The following CASZ1 variants were observed in gnomAD, a reference collection of about 807,000 sequenced individuals.
CASZ1 encodes the protein castor zinc finger 1.
In CASZ1, 28 loss-of-function variants were observed where a neutral mutation model predicts 135.2. The ratio of observed to expected loss-of-function variants is 0.21; its 90% CI spans 0.15 to 0.28. The LOEUF (loss-of-function observed/expected upper bound fraction) is 0.28, where lower values mean the gene tolerates loss of function less well. CASZ1 is among the 10% of genes least tolerant of loss of function. The pLI is 1.00. For missense variants in CASZ1, 2,161 were observed against 2,453.3 expected (o/e 0.88, Z 2.52); for synonymous variants, 1,068 against 1,073.4 (o/e 0.99, Z 0.10).
Position 10,649,428 on chromosome 1 carries a change from C to G in CASZ1, c.2890G>C (p.Gly964Arg). Residue 964 changes from glycine (G) to arginine (R), a missense_variant, in exon 14 of 21, where the codon GGC (glycine) becomes CGC (arginine). By Grantham distance (125) the Gly-to-Arg change is moderately radical. Around this residue, in one of 7 missense-constraint regions of CASZ1, gnomAD observed 406 missense variants for 387.6 expected, o/e 1.05. Transcript: ENST00000377022. Reference sequence around the variant, plus strand: ...AGCAGGCTGCCCAGGCCAGGGTTGCCCTGAGACATCTGTGAGGGACAGAGG... The same window carrying G: ...AGCAGGCTGCCCAGGCCAGGGTTGCGCTGAGACATCTGTGAGGGACAGAGG... ...LSSLMNKMSQ[G>R]NPGLGSLLNI... The G allele has an allele frequency of 1.2e-6, 2 of 1,609,064 alleles. No homozygotes were observed. The highest frequency in any genetic ancestry group is 1.7e-6 in the Non-Finnish European group (2 of 1,177,646).
In CASZ1 at chr1:10,649,121, T is replaced by C; in HGVS notation, c.3107A>G (p.Glu1036Gly). Residue 1036 changes from glutamate (E) to glycine (G), a missense_variant, in exon 15 of 21, where the codon GAG (glutamate) becomes GGG (glycine). By Grantham distance (98) the Glu-to-Gly change is moderately conservative (BLOSUM62 -2). Coordinates refer to ENST00000377022, the MANE Select transcript of CASZ1 (RefSeq NM_001079843.3). ...GGTGCTGAAGAGCGCGCCGCATTCC[T>C]CCACCACGCAGTGGAAGTGGGCCTT... ...LHKAHFHCVV[E>G]ECGALFSTLD... 6.2e-7 allele frequency: 1 copy of C among 1,613,684 alleles called. No homozygotes were observed. Among genetic ancestry groups the C allele is most frequent in the Non-Finnish European group, 8.5e-7 (1 of 1,180,016 alleles).
chr1:10,675,967 T>C (rs1338546609), intron 4 of CASZ1, among the ~76,000 whole-genome samples: 3 of 152,174 alleles, frequency 2.0e-5, no homozygotes, highest in African/African-American at 4.8e-5. Flanking sequence ...GCCTTGCCTC[T>C]TCTCCCTCAA....
Position 10,721,670 on chromosome 1 carries a change from C to T in CASZ1, c.-76-16126G>A, listed in dbSNP as rs1366706915. On this transcript the variant is annotated intron_variant, in intron 2 of 20. Coordinates refer to ENST00000377022, the MANE Select transcript of CASZ1 (RefSeq NM_001079843.3). This position sits in a 1 kb window ranked among gnomAD's most constrained non-coding sequence, Gnocchi z 5.4. Reference sequence around the variant, plus strand: ...GGAGGGTACGCCAGTGACCTCCCCTCCTAAGCTGCACCTCACCACTGACCT... The same window carrying T: ...GGAGGGTACGCCAGTGACCTCCCCTTCTAAGCTGCACCTCACCACTGACCT... Among the ~76,000 whole-genome samples, 1 of 152,220 alleles carries T rather than the reference C, an allele frequency of 6.6e-6. No individual in the cohort carries two copies. The highest frequency in any genetic ancestry group is 6.5e-5 in the Admixed American group (1 of 15,286).
intron 20 of CASZ1, among the ~76,000 whole-genome samples, chr1:10,640,680 T>C (rs1488318532): frequency 6.6e-6 from 1 of 152,190 alleles, no homozygotes; most frequent in African/African-American, 2.4e-5. Context: ...CCCCAAGGGC[T>C]GGGAGAGGGC....
chr1:10,658,411 C>A, intron 7 of CASZ1, 97 bp downstream of exon 7: 1 of 975,584 alleles, frequency 1.0e-6, no homozygotes, highest in South Asian at 1.4e-5. Context: ...GCTACCTTGG[C>A]CCTAGAGGTC....
At chr1:10,781,383 G>A (rs1481496036) in intron 1 of CASZ1, among the ~76,000 whole-genome samples, 1 of 152,208 alleles carries the variant, frequency 6.6e-6, no homozygotes. Flanking sequence ...CCACACTCCC[G>A]TCTGCGAGGA....
At chr1:10,712,819 G>A (rs1639311689) in intron 2 of CASZ1, among the ~76,000 whole-genome samples, 2 of 152,234 alleles carry the variant, frequency 1.3e-5, no homozygotes, top group Admixed American at 1.3e-4. Flanking sequence ...ACACGGCCCA[G>A]CCAATCCATC....
rs1639468059 is a variant in CASZ1, at chr1:10,720,039, C to G, written c.-76-14495G>C. Among the ~76,000 whole-genome samples, 1 of 152,244 alleles carries G rather than the reference C, an allele frequency of 6.6e-6. No homozygotes were observed. Among genetic ancestry groups the G allele is most frequent in the Non-Finnish European group, 1.5e-5 (1 of 68,046 alleles). On this transcript the variant is annotated intron_variant, in intron 2 of 20. Transcript: ENST00000377022. This position sits in a 1 kb window ranked among gnomAD's most constrained non-coding sequence, Gnocchi z 5.7. The stretch of plus-strand genomic sequence containing the variant: ...AACCAGGAGCCAGGCGGCTGCCGGT[C>G]CCCACTGCTCTGCCCAGAGGCCCTG...
rs767712877 is a variant in CASZ1 at position 10,649,209 on chromosome 1, G to C, written c.3036-17C>G. 1 of 1,612,712 alleles carries C rather than the reference G, an allele frequency of 6.2e-7. No homozygotes were observed. Among genetic ancestry groups the C allele is most frequent in the Non-Finnish European group, 8.5e-7 (1 of 1,179,296 alleles). ...GTACCAAACCTAGCCAGAGGAGCTG[G>C]CGTTAGAGGAGAGCCTGGGGCTCCA... On this transcript the variant is annotated splice_polypyrimidine_tract_variant and intron_variant, in intron 14 of 20. Transcript: ENST00000377022.
chr1:10,658,168 G>A lies in CASZ1; in HGVS notation c.1409+340C>T, dbSNP rs145983314. 3.7e-3 allele frequency: 1,083 copies of A among 293,024 alleles called. 13 individuals are homozygous for A. The highest frequency in any genetic ancestry group is 0.021 in the African/African-American group (1,012 of 47,204). The allele number at this position is 293,024 out of a possible 1,614,324, so 18.2% of individuals were successfully genotyped here. Reference sequence around the variant, plus strand: ...TTCCCAGCCCTGACAGTTTCACGGTGGCCTGCACCCTACTCAAGGCTCTGT... The same window carrying A: ...TTCCCAGCCCTGACAGTTTCACGGTAGCCTGCACCCTACTCAAGGCTCTGT... On this transcript the variant is annotated intron_variant, in intron 7 of 20. Transcript: ENST00000377022.
In CASZ1 at chr1:10,697,633, C is replaced by T. The variant is rs958229826; in HGVS notation, c.-23-3721G>A. Among the ~76,000 whole-genome samples, 3 of 152,142 alleles carry T rather than the reference C, an allele frequency of 2.0e-5. No homozygotes were observed. The highest frequency in any genetic ancestry group is 4.4e-5 in the Non-Finnish European group (3 of 68,030). On this transcript the variant is annotated intron_variant, in intron 3 of 20. Coordinates refer to ENST00000377022, the MANE Select transcript of CASZ1 (RefSeq NM_001079843.3). This position sits in a 1 kb window ranked among gnomAD's most constrained non-coding sequence, Gnocchi z 4.7. Reference sequence around the variant, plus strand: ...AGTTGCCCACCTACACTCTCTCCCTCCCGAGCCTGGGGCCTTCTCACTCAC... The same window carrying T: ...AGTTGCCCACCTACACTCTCTCCCTTCCGAGCCTGGGGCCTTCTCACTCAC...
chr1:10,639,020 G>C lies in CASZ1; in HGVS notation c.5202C>G (p.Gly1734=), dbSNP rs2124660642. ...GCGCCGCCAAGGCCGGGGTCCGCGC[G>C]CCCGCGCCCGCCGCCTCCGCCGCCG... ...PEAAAEAAGA[G]ARTPALAALA... Residue 1734 remains glycine (G), a synonymous_variant, in exon 21 of 21, where the codon GGC becomes GGG. Transcript: ENST00000377022. This position sits in a 1 kb window ranked among gnomAD's most constrained non-coding sequence, Gnocchi z 4.0. The C allele has an allele frequency of 1.8e-5, 18 of 1,008,244 alleles. No homozygotes were observed. Among genetic ancestry groups the C allele is most frequent in the Non-Finnish European group, 2.1e-5 (18 of 840,904 alleles). The allele number at this position is 1,008,244 out of a possible 1,614,324, so 62.5% of individuals were successfully genotyped here.
In CASZ1 at chr1:10,794,483, A is replaced by T. The variant is rs1641025956; in HGVS notation, c.-234+2081T>A. 6.6e-6 allele frequency among the ~76,000 whole-genome samples: 1 copy of T among 151,574 alleles called. No homozygotes were observed. The highest frequency in any genetic ancestry group is 1.5e-5 in the Non-Finnish European group (1 of 67,920). On this transcript the variant is annotated intron_variant, in intron 1 of 20. Transcript: ENST00000377022. This position sits in a 1 kb window ranked among gnomAD's most constrained non-coding sequence, Gnocchi z 5.6. Reference sequence around the variant, plus strand: ...TGGCCCAGTGATCCAGGTTTGGGGGAGCTCCATACTCAGGAGAGGCGCTAC... The same window carrying T: ...TGGCCCAGTGATCCAGGTTTGGGGGTGCTCCATACTCAGGAGAGGCGCTAC...
chr1:10,750,507 C>T lies in CASZ1; in HGVS notation c.-77+10194G>A, dbSNP rs545440071. On this transcript the variant is annotated intron_variant, in intron 2 of 20. Transcript: ENST00000377022. ...GGAGTCTTGAACCCCTGGCGTCAAG[C>T]GATTCTCGCCTCAGCCTTCCAAAAC... Among the ~76,000 whole-genome samples the T allele has an allele frequency of 3.9e-5, 6 of 152,192 alleles. No individual in the cohort carries two copies. In the South Asian group the frequency reaches 6.2e-4, roughly 16 times the overall value.
intron 1 of CASZ1, among the ~76,000 whole-genome samples, chr1:10,784,755 G>A (rs1020596285): frequency 6.6e-6 from 1 of 152,030 alleles, no homozygotes; most frequent in Non-Finnish European, 1.5e-5. Context: ...TAGTAGAGAC[G>A]GGGTTTCACC....
rs1304633828 is a variant in CASZ1, at chr1:10,647,512, C to G, written c.3497+289G>C. ...GGGAGTTGTCCTCTGAGGACCACCA[C>G]GCCCAGTCCACCCCACCTGGCCCTG... is the stretch of plus-strand genomic sequence containing the variant. On this transcript the variant is annotated intron_variant, in intron 16 of 20. Transcript: ENST00000377022. This position sits in a 1 kb window ranked among gnomAD's most constrained non-coding sequence, Gnocchi z 4.9. 2.7e-5 allele frequency: 36 copies of G among 1,325,626 alleles called. No homozygotes were observed. Among genetic ancestry groups the G allele is most frequent in the Non-Finnish European group, 3.5e-5 (36 of 1,031,262 alleles). 82.1% of individuals were successfully genotyped at this position (1,325,626 alleles called of 1,614,324 possible). A position where few individuals can be genotyped will look rare whatever the true frequency, so the allele number is the denominator to read the frequency against.
rs1051626258 is a variant in CASZ1, at chr1:10,697,086, G to GAA, written c.-23-3176_-23-3175dup. 1.3e-5 allele frequency among the ~76,000 whole-genome samples: 2 copies of GAA among 152,238 alleles called. No homozygotes were observed. Among genetic ancestry groups the GAA allele is most frequent in the Admixed American group, 1.3e-4 (2 of 15,284 alleles). On this transcript the variant is annotated intron_variant, in intron 3 of 20. Transcript: ENST00000377022. This position sits in a 1 kb window ranked among gnomAD's most constrained non-coding sequence, Gnocchi z 4.7. ...AGGCTGAGTGGGCCCTGCCCAAGAG[G>GAA]AAAAGGCCTTCAGTGGAGGAGCAGC... is the stretch of plus-strand genomic sequence containing the variant.
In CASZ1 at chr1:10,711,585, C is replaced by CAAAAAAAAAAAAAAAAAAAAAAAAA. The variant is rs201085072; in HGVS notation, c.-76-6042_-76-6041insTTTTTTTTTTTTTTTTTTTTTTTTT. Among the ~76,000 whole-genome samples the CAAAAAAAAAAAAAAAAAAAAAAAAA allele has an allele frequency of 2.0e-5, 2 of 97,578 alleles. No individual in the cohort carries two copies. The highest frequency in any genetic ancestry group is 2.4e-5 in the Non-Finnish European group (1 of 41,450). The allele number at this position is 97,578 out of a possible 152,430, so 64.0% of individuals were successfully genotyped here. On this transcript the variant is annotated intron_variant, in intron 2 of 20. Coordinates refer to ENST00000377022, the MANE Select transcript of CASZ1 (RefSeq NM_001079843.3). This position sits in a 1 kb window ranked among gnomAD's most constrained non-coding sequence, Gnocchi z 4.4. ...CCAGAAAAAATGGAAAACAGGTACT[C>CAAAAAAAAAAAAAAAAAAAAAAAAA]AAAAAAAAAAAAAAAAGAAAAACAA...
At chr1:10,722,178 A>G (rs1242377687) in intron 2 of CASZ1, among the ~76,000 whole-genome samples, 3 of 152,160 alleles carry the variant, frequency 2.0e-5, no homozygotes, top group African/African-American at 7.2e-5. Flanking sequence ...TCAGGAGGCC[A>G]TGAGGGCTCC....
Sources: gnomAD v4.1 joint callset for allele counts (sites outside exome capture counted in the v4.1 genomes callset) on GRCh38, gnomAD v4.1.1 for gene constraint, gnomAD v4.1.1 regional missense constraint, Gnocchi (gnomAD v3.1) non-coding constraint, MANE v1.5 for transcripts, NCBI Gene and HGNC (gene_info 2026-07-23, HGNC 2026-07-21) for gene names.